The following KLHL32 variants were observed in gnomAD, a reference collection of about 807,000 sequenced individuals.
KLHL32 encodes the protein kelch like family member 32.
A neutral mutation model predicts 64.8 loss-of-function variants in KLHL32; 35 were observed. The observed-to-expected ratio is 0.54, with a 90% CI of 0.41 to 0.72. The LOEUF (loss-of-function observed/expected upper bound fraction) is 0.72. KLHL32 is among the 30% of genes least tolerant of loss of function. KLHL32 has a pLI of 0.00. For synonymous variants in KLHL32, 259 were observed against 281.0 expected, an observed-to-expected ratio of 0.92 and a Z score of 0.78; for missense variants, 589 against 768.5, an observed-to-expected ratio of 0.77 and a Z score of 2.76.
rs1400307277 is a variant in KLHL32 at position 97,130,871 on chromosome 6, C to T, written c.1528C>T (p.Arg510Trp). The change falls in exon 9 of 11, where the codon CGG (arginine) becomes TGG (tryptophan). Residue 510 changes from arginine to tryptophan, a missense_variant. Physicochemically the swap from Arg to Trp is moderately radical, Grantham distance 101. This residue lies in a region of KLHL32 where 172 missense variants were observed against 192.0 expected (regional missense o/e 0.90). Transcript: ENST00000369261. ...GGNDLDYNNDRILVRHIDSYN... is the reference protein window; with the variant it reads ...GGNDLDYNNDWILVRHIDSYN... ...CAATGACCTAGACTACAATAATGAC[C>T]GGATCCTTGTGCGCCATATAGATTC... 6 of 1,613,944 alleles carry T rather than the reference C, an allele frequency of 3.7e-6. No individual in the cohort carries two copies. The highest frequency in any genetic ancestry group is 2.2e-5 in the South Asian group (2 of 91,066).
At chr6:96,934,732 A>G (rs56369666) in intron 1 of KLHL32, among the ~76,000 whole-genome samples, 19,604 of 152,212 alleles carry the variant, frequency 0.13, 1,528 homozygotes, top group East Asian at 0.26. Context: ...ATTTCTGCAT[A>G]AGATAAAACT....
At chr6:96,960,933 G>A (rs1773814622) in intron 1 of KLHL32, among the ~76,000 whole-genome samples, 1 of 152,166 alleles carries the variant, frequency 6.6e-6, no homozygotes, top group South Asian at 2.1e-4. Context: ...AGGGGTTGTG[G>A]AGACCAATGT....
At chr6:97,080,809 A>G (rs1792380763) in intron 5 of KLHL32, among the ~76,000 whole-genome samples, 1 of 152,174 alleles carries the variant, frequency 6.6e-6, no homozygotes, top group Admixed American at 6.5e-5. Context: ...TGCTGAAGAT[A>G]ATTATAGGTG....
chr6:96,914,580 GT>G, the KLHL32 span: 1 of 152,200 alleles, frequency 6.6e-6, no homozygotes, highest in Non-Finnish European at 1.5e-5. Flanking sequence ...GGAGAAGGGG[GT>G]TTAGCTGGGC....
chr6:96,909,770 C>G, the KLHL32 span, among the ~76,000 whole-genome samples: 1 of 152,200 alleles, frequency 6.6e-6, no homozygotes. Context: ...AACATCAGCA[C>G]ATTCAGAAGA....
At chr6:97,088,777 A>T (rs546085510) in intron 6 of KLHL32, among the ~76,000 whole-genome samples, 29 of 152,184 alleles carry the variant, frequency 1.9e-4, no homozygotes, top group South Asian at 6.2e-4. Context: ...AATTCTTCAT[A>T]AAAAAAACTT....
chr6:96,971,826 T>A (rs1266569830), intron 2 of KLHL32, among the ~76,000 whole-genome samples: 2 of 152,088 alleles, frequency 1.3e-5, no homozygotes, highest in African/African-American at 4.8e-5. Context: ...AAATTTCAGG[T>A]AGCTATATTA....
rs1785127455 is a variant in KLHL32, at chr6:97,041,587, A to G, written c.300A>G (p.Ala100=). The G allele has an allele frequency of 1.2e-6, 2 of 1,605,990 alleles. No individual in the cohort carries two copies. The highest frequency in any genetic ancestry group is 1.7e-6 in the Non-Finnish European group (2 of 1,172,644). ...GCTTAAAGCAGGCTCTGGAGTTTGC[A>G]TACACAGGACAGGTATGGTATTAAA... ...SLGLKQALEF[A]YTGQILLEPG... Residue 100 remains alanine (A), a synonymous_variant, in exon 4 of 11, where the codon GCA becomes GCG. Transcript: ENST00000369261.
intron 10 of KLHL32, among the ~76,000 whole-genome samples, chr6:97,133,307 G>A (rs1799638529): frequency 6.6e-6 from 1 of 152,180 alleles, no homozygotes; most frequent in African/African-American, 2.4e-5. Context: ...CCTTTCAGAA[G>A]AGCAATAGCC....
chr6:97,054,832 G>A (rs191959132), intron 4 of KLHL32, among the ~76,000 whole-genome samples: 18 of 152,230 alleles, frequency 1.2e-4, no homozygotes, highest in Admixed American at 3.9e-4. Context: ...CCGGCTATTC[G>A]GGAGGTTGAG....
intron 3 of KLHL32, among the ~76,000 whole-genome samples, chr6:97,027,143 CAG>C: frequency 7.3e-6 from 1 of 136,356 alleles, no homozygotes; most frequent in Non-Finnish European, 1.5e-5. Flanking sequence ...GCCTGGGCAA[CAG>C]AGGGAGATTC....
intron 1 of KLHL32, among the ~76,000 whole-genome samples, chr6:96,950,628 ATGAG>A (rs1314425433): frequency 6.6e-6 from 1 of 152,156 alleles, no homozygotes; most frequent in Non-Finnish European, 1.5e-5. Context: ...GAATGAGTGA[ATGAG>A]TGAATGGTTA....
chr6:97,018,970 A>G (rs911778627), intron 3 of KLHL32, among the ~76,000 whole-genome samples: 1 of 152,218 alleles, frequency 6.6e-6, no homozygotes, highest in Non-Finnish European at 1.5e-5. Context: ...TGGATAGTAC[A>G]CATTCTCAGC....
intron 8 of KLHL32, among the ~76,000 whole-genome samples, chr6:97,128,330 T>C (rs1321213491): frequency 6.6e-6 from 1 of 152,216 alleles, no homozygotes; most frequent in Non-Finnish European, 1.5e-5. Flanking sequence ...CCTGATGTCA[T>C]TAGAAGCTGT....
rs112139028 is a variant in KLHL32, at chr6:97,107,422, C to G, written c.628-6361C>G. 5.1e-3 allele frequency among the ~76,000 whole-genome samples: 778 copies of G among 152,210 alleles called. 5 individuals are homozygous for G. Among genetic ancestry groups the G allele is most frequent in the African/African-American group, 0.017 (706 of 41,498 alleles). ...ACATGGTATAAGTTAAAAACAGTTT[C>G]TAGTTCTAGCTTTTCTGCTAATTCA... On this transcript the variant is annotated intron_variant, in intron 6 of 10. Coordinates refer to ENST00000369261, the MANE Select transcript of KLHL32 (RefSeq NM_052904.4).
At chr6:96,980,088 A>G (rs140016786) in intron 3 of KLHL32, among the ~76,000 whole-genome samples, 30 of 152,290 alleles carry the variant, frequency 2.0e-4, no homozygotes, top group African/African-American at 6.7e-4. Flanking sequence ...AGTTCTAAGT[A>G]TGGAATCACA....
chr6:96,933,471 A>G (rs1770191331), intron 1 of KLHL32, among the ~76,000 whole-genome samples: 1 of 152,228 alleles, frequency 6.6e-6, no homozygotes, highest in Admixed American at 6.5e-5. Flanking sequence ...GCCTCTCAAC[A>G]TTAAGTGAGC....
the KLHL32 span, among the ~76,000 whole-genome samples, chr6:96,917,540 C>T: frequency 1.3e-5 from 2 of 152,158 alleles, no homozygotes; most frequent in African/African-American, 4.8e-5. Flanking sequence ...GACAGAGGCA[C>T]CATTTCTTGT....
intron 5 of KLHL32, among the ~76,000 whole-genome samples, chr6:97,069,899 A>T (rs79543670): frequency 0.034 from 5,204 of 152,146 alleles, 279 homozygotes; most frequent in African/African-American, 0.12. Context: ...AAGTAATACT[A>T]CAATGACTTA....
Sources: gnomAD v4.1 joint callset for allele counts (sites outside exome capture counted in the v4.1 genomes callset) on GRCh38, gnomAD v4.1.1 for gene constraint, gnomAD v4.1.1 regional missense constraint, MANE v1.5 for transcripts, NCBI Gene and HGNC (gene_info 2026-07-23, HGNC 2026-07-21) for gene names.